Variants in INPP5A observed in about 807,000 individuals in gnomAD.
INPP5A encodes inositol polyphosphate-5-phosphatase A.
INPP5A carries 14 observed loss-of-function variants against 65.2 expected under a neutral mutation model. The ratio of observed to expected loss-of-function variants is 0.21; its 90% CI spans 0.14 to 0.34. INPP5A has a LOEUF of 0.34. Among genes scored for constraint, INPP5A ranks in the 10% least tolerant of loss-of-function variants. INPP5A has a pLI of 1.00. For missense variants in INPP5A, 431 were observed against 545.6 expected (o/e 0.79, Z 2.09); for synonymous variants, 207 against 208.3 (o/e 0.99, Z 0.05).
chr10:132,755,321 G>A (rs183248517), intron 11 of INPP5A, among the ~76,000 whole-genome samples: 1 of 150,116 alleles, frequency 6.7e-6, no homozygotes, highest in East Asian at 2.1e-4. Context: ...ATTTGAGTGG[G>A]CGAGTGTGTG....
At chr10:132,771,254 A>G (rs1424277214) in intron 12 of INPP5A, among the ~76,000 whole-genome samples, 1 of 152,158 alleles carries the variant, frequency 6.6e-6, no homozygotes, top group Non-Finnish European at 1.5e-5. Flanking sequence ...ACCCAGCCCA[A>G]GACCCCATCT....
chr10:132,743,645 G>A (rs139462785), intron 9 of INPP5A, among the ~76,000 whole-genome samples: 3 of 152,330 alleles, frequency 2.0e-5, no homozygotes, highest in South Asian at 2.1e-4. Flanking sequence ...CTCACTCCTC[G>A]TCACGTGTGG....
chr10:132,615,878 C>T (rs1328587541), intron 2 of INPP5A, among the ~76,000 whole-genome samples: 2 of 152,108 alleles, frequency 1.3e-5, no homozygotes, highest in Non-Finnish European at 2.9e-5. Flanking sequence ...GTCTGCCGCT[C>T]TGGGCGGCTG....
chr10:132,596,819 A>G (rs990827713), intron 1 of INPP5A, among the ~76,000 whole-genome samples: 14 of 147,680 alleles, frequency 9.5e-5, no homozygotes, highest in Non-Finnish European at 1.8e-4. Flanking sequence ...GTGTGTGTCC[A>G]TGTGTTTGCT....
In INPP5A at chr10:132,724,592, C is replaced by T. The variant is rs1845951101; in HGVS notation, c.648-2229C>T. Among the ~76,000 whole-genome samples, 3 of 152,088 alleles carry T rather than the reference C, an allele frequency of 2.0e-5. No individual in the cohort carries two copies. In the South Asian group the frequency reaches 6.2e-4, roughly 32 times the overall value. The stretch of plus-strand genomic sequence containing the variant: ...TCAATCTCCAGAACTCACAAGGAGG[C>T]CCCAGGCCAGCAGGAGCACACACCA... On this transcript the variant is annotated intron_variant, in intron 8 of 15. Coordinates refer to ENST00000368594, the MANE Select transcript of INPP5A (RefSeq NM_005539.5).
chr10:132,771,511 C>T (rs1846947069), intron 12 of INPP5A, among the ~76,000 whole-genome samples: 1 of 151,318 alleles, frequency 6.6e-6, no homozygotes, highest in Admixed American at 6.6e-5. Context: ...TGTAGATCTC[C>T]CCTCTCAGAC....
intron 9 of INPP5A, among the ~76,000 whole-genome samples, chr10:132,745,032 C>T (rs377399821): frequency 7.0e-4 from 105 of 150,980 alleles, no homozygotes; most frequent in African/African-American, 2.3e-3. Flanking sequence ...AGGGTGTGCC[C>T]GAGCCAGTGG....
At chr10:132,685,040 G>T (rs2073096758) in intron 4 of INPP5A, among the ~76,000 whole-genome samples, 1 of 152,064 alleles carries the variant, frequency 6.6e-6, no homozygotes, top group Non-Finnish European at 1.5e-5. Flanking sequence ...TTTTCTTTCT[G>T]CTCCTAGATT....
intron 12 of INPP5A, among the ~76,000 whole-genome samples, chr10:132,769,126 C>T (rs143633052): frequency 0.013 from 2,043 of 152,318 alleles, 45 homozygotes; most frequent in African/African-American, 0.045. Context: ...TGAAGACCAG[C>T]GGGGTCTTCT....
rs919620131 is a variant in INPP5A, at chr10:132,659,167, C to T, written c.306+8662C>T. On this transcript the variant is annotated intron_variant, in intron 4 of 15. Coordinates refer to ENST00000368594, the MANE Select transcript of INPP5A (RefSeq NM_005539.5). The surrounding 1 kb of genome is among the most constrained non-coding windows in gnomAD (Gnocchi z 5.5). Reference sequence around the variant, plus strand: ...AAACTTCCGGGGAGACCTGTCTGTGCTCCTGTAGGTGTCAGGCAGACTCAG... The same window carrying T: ...AAACTTCCGGGGAGACCTGTCTGTGTTCCTGTAGGTGTCAGGCAGACTCAG... 2.0e-5 allele frequency among the ~76,000 whole-genome samples: 3 copies of T among 152,206 alleles called. No individual in the cohort carries two copies. The highest frequency in any genetic ancestry group is 4.4e-5 in the Non-Finnish European group (3 of 68,044).
chr10:132,614,294 C>T (rs989197413), intron 2 of INPP5A, among the ~76,000 whole-genome samples: 8 of 152,238 alleles, frequency 5.3e-5, no homozygotes, highest in East Asian at 3.9e-4. Context: ...GATGAAACCC[C>T]GTCTTTACTA....
At chr10:132,772,590 A>T (rs1243208714) in intron 12 of INPP5A, among the ~76,000 whole-genome samples, 1 of 104,022 alleles carries the variant, frequency 9.6e-6, no homozygotes, top group Non-Finnish European at 2.1e-5. Flanking sequence ...TGGGACAGAC[A>T]CTCAGCACTG....
chr10:132,697,134 C>T lies in INPP5A; in HGVS notation c.371-682C>T, dbSNP rs1845357494. Among the ~76,000 whole-genome samples the T allele has an allele frequency of 6.6e-6, 1 of 152,252 alleles. No individual in the cohort carries two copies. The highest frequency in any genetic ancestry group is 1.5e-5 in the Non-Finnish European group (1 of 68,048). ...TGCAAAGAGGCCAGCAGCCACCTGC[C>T]CACTGGACCCAGCAGGAGTTTGAGG... is the stretch of plus-strand genomic sequence containing the variant. On this transcript the variant is annotated intron_variant, in intron 5 of 15. Coordinates refer to ENST00000368594, the MANE Select transcript of INPP5A (RefSeq NM_005539.5). This position sits in a 1 kb window ranked among gnomAD's most constrained non-coding sequence, Gnocchi z 5.6.
At chr10:132,779,480 C>T (rs1408561696) in intron 13 of INPP5A, among the ~76,000 whole-genome samples, 1 of 152,274 alleles carries the variant, frequency 6.6e-6, no homozygotes, top group Non-Finnish European at 1.5e-5. Context: ...CTGTGGCCTC[C>T]CCACATTGTG....
intron 1 of INPP5A, among the ~76,000 whole-genome samples, chr10:132,596,690 A>T (rs948887926): frequency 6.6e-6 from 1 of 152,128 alleles, no homozygotes. Flanking sequence ...TTGGCCTCCC[A>T]AAGTGCTGGG....
chr10:132,670,978 G>T (rs530644564), intron 4 of INPP5A, among the ~76,000 whole-genome samples: 1 of 152,016 alleles, frequency 6.6e-6, no homozygotes, highest in Middle Eastern at 3.4e-3. Context: ...TGTCAGTCAG[G>T]TCTAATTTAT....
chr10:132,692,945 G>A (rs778046599), intron 5 of INPP5A, among the ~76,000 whole-genome samples: 5 of 152,152 alleles, frequency 3.3e-5, no homozygotes, highest in African/African-American at 9.7e-5. Context: ...TTTGCTCAAC[G>A]TAACAACAGC....
At chr10:132,657,748 G>A (rs1394747420) in intron 4 of INPP5A, among the ~76,000 whole-genome samples, 1 of 152,252 alleles carries the variant, frequency 6.6e-6, no homozygotes, top group African/African-American at 2.4e-5. Context: ...CCAGAGAAGG[G>A]GAAGGAAAGG....
At chr10:132,615,938 T>C (rs1430144212) in intron 2 of INPP5A, among the ~76,000 whole-genome samples, 1 of 152,150 alleles carries the variant, frequency 6.6e-6, no homozygotes, top group Non-Finnish European at 1.5e-5. Context: ...GGCTGCGACC[T>C]TCATGGCCTG....
Sources: allele counts gnomAD v4.1 joint callset (sites outside exome capture counted in the v4.1 genomes callset), GRCh38; gene constraint gnomAD v4.1.1; non-coding constraint Gnocchi (gnomAD v3.1); transcripts MANE v1.5; gene names NCBI Gene and HGNC (gene_info 2026-07-23, HGNC 2026-07-21).